The following TNFSF4 variants were observed in gnomAD, a reference collection of about 807,000 sequenced individuals.
The protein encoded by TNFSF4 is tumor necrosis factor ligand superfamily member 4.
Under a neutral mutation model 7.3 loss-of-function variants are expected in TNFSF4, and 4 were observed. The ratio of observed to expected loss-of-function variants is 0.55; its 90% CI spans 0.27 to 1.25. TNFSF4 has a LOEUF of 1.25. Ranked by LOEUF, TNFSF4 falls within the 50% of genes most tolerant of loss-of-function variation. The pLI, the probability that TNFSF4 is intolerant of heterozygous loss-of-function variation, is 0.12. For missense variants in TNFSF4, 181 were observed against 208.8 expected, an observed-to-expected ratio of 0.87 and a Z score of 0.82; for synonymous variants, 76 against 83.7, an observed-to-expected ratio of 0.91 and a Z score of 0.50.
the TNFSF4 span, among the ~76,000 whole-genome samples, chr1:173,400,686 G>A: frequency 8.5e-5 from 13 of 152,284 alleles, no homozygotes; most frequent in East Asian, 2.1e-3. Flanking sequence ...TACTCACAAT[G>A]GAGTAAGGAA....
At chr1:173,320,784 C>T in the TNFSF4 span, among the ~76,000 whole-genome samples, 2 of 152,098 alleles carry the variant, frequency 1.3e-5, no homozygotes, top group African/African-American at 2.4e-5. Flanking sequence ...TGTGAAGGAC[C>T]TCTTCAAGGA....
At chr1:173,314,994 G>A in the TNFSF4 span, among the ~76,000 whole-genome samples, 1 of 152,138 alleles carries the variant, frequency 6.6e-6, no homozygotes, top group African/African-American at 2.4e-5. Context: ...AAACTCAAAG[G>A]AGAGAGAGGT....
intron 1 of TNFSF4, among the ~76,000 whole-genome samples, chr1:173,194,029 A>G (rs1170710620): frequency 6.6e-6 from 1 of 152,190 alleles, no homozygotes; most frequent in African/African-American, 2.4e-5. Flanking sequence ...TAGATCAAGG[A>G]ATCTTCATTT....
At chr1:173,428,615 A>C in the TNFSF4 span, among the ~76,000 whole-genome samples, 1,969 of 152,362 alleles carry the variant, frequency 0.013, 32 homozygotes, top group African/African-American at 0.045. Context: ...GATATTAATG[A>C]ATTATTGCTA....
At chr1:173,379,001 C>A in the TNFSF4 span, among the ~76,000 whole-genome samples, 3 of 150,494 alleles carry the variant, frequency 2.0e-5, no homozygotes, top group Non-Finnish European at 4.4e-5. Flanking sequence ...GCAGACCTGG[C>A]GAAGCTTTCA....
At chr1:173,424,594 G>A in the TNFSF4 span, among the ~76,000 whole-genome samples, 1 of 152,158 alleles carries the variant, frequency 6.6e-6, no homozygotes, top group Non-Finnish European at 1.5e-5. Flanking sequence ...CAATTTTCAC[G>A]GCTTAAGATA....
chr1:173,191,351 G>A (rs1480446585), intron 1 of TNFSF4, among the ~76,000 whole-genome samples: 1 of 152,200 alleles, frequency 6.6e-6, no homozygotes, highest in Admixed American at 6.5e-5. Context: ...AGGGGTAGAA[G>A]TTTGCATATC....
At chr1:173,198,693 A>T (rs902282509) in intron 1 of TNFSF4, among the ~76,000 whole-genome samples, 2 of 152,038 alleles carry the variant, frequency 1.3e-5, no homozygotes, top group Admixed American at 6.6e-5. Context: ...TGTACCCCAA[A>T]CCCCTATGAC....
the TNFSF4 span, among the ~76,000 whole-genome samples, chr1:173,346,978 C>T: frequency 1.3e-5 from 2 of 152,180 alleles, no homozygotes; most frequent in Non-Finnish European, 2.9e-5. Context: ...TTGATGGCAA[C>T]ATTTGTTATA....
At chr1:173,256,058 G>A in the TNFSF4 span, among the ~76,000 whole-genome samples, 3 of 152,206 alleles carry the variant, frequency 2.0e-5, no homozygotes, top group Non-Finnish European at 2.9e-5. Context: ...GAACTTCTTG[G>A]TTTAAATAGT....
intron 1 of TNFSF4, among the ~76,000 whole-genome samples, chr1:173,202,070 T>TATATACACA (rs150074641): frequency 1.3e-4 from 20 of 149,650 alleles, no homozygotes; most frequent in South Asian, 4.2e-4. Context: ...TATATATATA[T>TATATACACA]ACACACACAC....
At chr1:173,296,503 C>T in the TNFSF4 span, among the ~76,000 whole-genome samples, 1 of 151,908 alleles carries the variant, frequency 6.6e-6, no homozygotes, top group African/African-American at 2.4e-5. Flanking sequence ...CTTTAAAAGC[C>T]ACCTATGCCA....
the TNFSF4 span, among the ~76,000 whole-genome samples, chr1:173,384,279 GGAT>G: frequency 6.6e-6 from 1 of 152,144 alleles, no homozygotes; most frequent in Non-Finnish European, 1.5e-5. Flanking sequence ...GCATATTAGT[GGAT>G]GATAAGTACT....
At chr1:173,315,596 C>G in the TNFSF4 span, among the ~76,000 whole-genome samples, 5 of 151,998 alleles carry the variant, frequency 3.3e-5, no homozygotes, top group Non-Finnish European at 7.4e-5. Context: ...TGTAAGGACA[C>G]GTGATTAAAG....
chr1:173,313,178 T>C, the TNFSF4 span, among the ~76,000 whole-genome samples: 1 of 152,166 alleles, frequency 6.6e-6, no homozygotes, highest in East Asian at 1.9e-4. Flanking sequence ...ATAAAAGATC[T>C]TGATACATTA....
the TNFSF4 span, among the ~76,000 whole-genome samples, chr1:173,384,166 C>T: frequency 2.0e-4 from 31 of 152,188 alleles, no homozygotes; most frequent in Admixed American, 1.8e-3. Flanking sequence ...GTGTGAGGAA[C>T]TGCTCCATCA....
intron 1 of TNFSF4, among the ~76,000 whole-genome samples, chr1:173,203,086 G>A (rs578059467): frequency 6.4e-4 from 98 of 152,252 alleles, no homozygotes; most frequent in African/African-American, 2.3e-3. Context: ...TATCGCCAGT[G>A]CCTCAAATGG....
chr1:173,366,972 T>G, the TNFSF4 span, among the ~76,000 whole-genome samples: 9 of 152,196 alleles, frequency 5.9e-5, no homozygotes, highest in African/African-American at 1.9e-4. Flanking sequence ...ACAGGCTACT[T>G]CTAAGCCCCT....
the TNFSF4 span, among the ~76,000 whole-genome samples, chr1:173,176,264 C>CA: frequency 5.4e-5 from 8 of 149,456 alleles, no homozygotes; most frequent in South Asian, 6.4e-4. Flanking sequence ...CCAGTATGGA[C>CA]AAAAAAAAAT....
Sources: allele counts gnomAD v4.1 joint callset (sites outside exome capture counted in the v4.1 genomes callset), GRCh38; gene constraint gnomAD v4.1.1; transcripts MANE v1.5; gene names NCBI Gene and HGNC (gene_info 2026-07-23, HGNC 2026-07-21).